ECT2: variants seen among roughly 807,000 people sequenced by gnomAD.
ECT2 encodes the protein protein ECT2.
A neutral mutation model predicts 116.9 loss-of-function variants in ECT2; 61 were observed. The ratio of observed to expected loss-of-function variants is 0.52; its 90% CI spans 0.42 to 0.65. ECT2 has a LOEUF of 0.65. Ranked by LOEUF, ECT2 falls within the 30% of genes least tolerant of loss-of-function variation. ECT2 has a pLI of 0.00. For missense variants in ECT2, 937 were observed against 1,078.7 expected (o/e 0.87, Z 1.84); for synonymous variants, 358 against 346.4 (o/e 1.03, Z -0.37).
chr3:172,782,913 A>G (rs996460196), intron 15 of ECT2, among the ~76,000 whole-genome samples: 1 of 151,830 alleles, frequency 6.6e-6, no homozygotes, highest in Non-Finnish European at 1.5e-5. Context: ...CATAGTGTAT[A>G]TGTACCACAT....
At chr3:172,775,638 CTTT>C (rs536857351) in intron 14 of ECT2, among the ~76,000 whole-genome samples, 1 of 142,806 alleles carries the variant, frequency 7.0e-6, no homozygotes, top group Non-Finnish European at 1.5e-5. Flanking sequence ...GGGTTTTTTT[CTTT>C]TTTTTTTTTT....
chr3:172,792,835 A>G (rs1004021533), intron 18 of ECT2, among the ~76,000 whole-genome samples: 11 of 151,934 alleles, frequency 7.2e-5, no homozygotes, highest in African/African-American at 2.7e-4. Context: ...ATCCCACCTT[A>G]GCCTTTTGAG....
chr3:172,780,786 T>C (rs1474044636), intron 14 of ECT2, among the ~76,000 whole-genome samples: 1 of 152,186 alleles, frequency 6.6e-6, no homozygotes, highest in East Asian at 1.9e-4. Context: ...GCTTTAATTG[T>C]ATTTCCCTGA....
At chr3:172,788,180 CT>C (rs1294011712) in intron 18 of ECT2, among the ~76,000 whole-genome samples, 2 of 152,042 alleles carry the variant, frequency 1.3e-5, no homozygotes, top group Non-Finnish European at 2.9e-5. Flanking sequence ...AGATTTAATG[CT>C]TATTATGGTT....
chr3:172,767,989 C>T (rs1415340935), intron 12 of ECT2, among the ~76,000 whole-genome samples: 1 of 152,170 alleles, frequency 6.6e-6, no homozygotes, highest in African/African-American at 2.4e-5. Context: ...GCCTTGGCCT[C>T]CCAAAGCGTT....
chr3:172,759,120 T>A, intron 6 of ECT2, 51 bp downstream of exon 6: 1 of 1,334,920 alleles, frequency 7.5e-7, no homozygotes, highest in Non-Finnish European at 1.0e-6. Context: ...CAAAATAAAT[T>A]AAAATTGGCT....
At chr3:172,764,029 A>G (rs1718846595) in intron 11 of ECT2, among the ~76,000 whole-genome samples, 2 of 152,220 alleles carry the variant, frequency 1.3e-5, no homozygotes, top group Non-Finnish European at 2.9e-5. Flanking sequence ...GTAGTAAACA[A>G]GTTTACAGAT....
intron 22 of ECT2, among the ~76,000 whole-genome samples, chr3:172,808,714 CT>C: frequency 6.6e-6 from 1 of 152,120 alleles, no homozygotes; most frequent in Non-Finnish European, 1.5e-5. Flanking sequence ...ATAGATGACC[CT>C]TTTCGGTACA....
chr3:172,760,922 T>A (rs1327364108), intron 7 of ECT2, among the ~76,000 whole-genome samples: 1 of 151,794 alleles, frequency 6.6e-6, no homozygotes, highest in Non-Finnish European at 1.5e-5. Flanking sequence ...GGTTTCACCA[T>A]ATTGGCCAGG....
intron 24 of ECT2, among the ~76,000 whole-genome samples, chr3:172,819,577 C>T (rs1730388619): frequency 6.6e-6 from 1 of 152,000 alleles, no homozygotes; most frequent in South Asian, 2.1e-4. Context: ...AACTCTTGGC[C>T]TTAAGCAATC....
intron 13 of ECT2, among the ~76,000 whole-genome samples, chr3:172,769,483 T>C (rs189068221): frequency 7.4e-4 from 112 of 152,132 alleles, no homozygotes; most frequent in African/African-American, 2.6e-3. Context: ...TTTCTGAAAG[T>C]ATGGGTTCTG....
chr3:172,818,967 TTTC>T (rs1730267597), intron 24 of ECT2, among the ~76,000 whole-genome samples: 1 of 152,046 alleles, frequency 6.6e-6, no homozygotes, highest in South Asian at 2.1e-4. Context: ...TTTAATAGAG[TTTC>T]TTAAGTCCAG....
chr3:172,796,823 C>T (rs1450299368), intron 18 of ECT2, among the ~76,000 whole-genome samples: 17 of 151,898 alleles, frequency 1.1e-4, no homozygotes, highest in East Asian at 1.9e-4. Flanking sequence ...CATGCCACCA[C>T]GCCCTGCTAA....
intron 18 of ECT2, among the ~76,000 whole-genome samples, chr3:172,793,860 C>G (rs771812438): frequency 2.6e-5 from 4 of 151,932 alleles, no homozygotes; most frequent in African/African-American, 4.8e-5. Context: ...TGTTAAATGT[C>G]TTTTCATGTG....
intron 5 of ECT2, among the ~76,000 whole-genome samples, chr3:172,758,228 T>C (rs1043052286): frequency 6.6e-6 from 1 of 152,208 alleles, no homozygotes; most frequent in African/African-American, 2.4e-5. Flanking sequence ...GTTTTGTTGC[T>C]GTCTTGGCAT....
At chr3:172,799,095 C>T (rs1292960286) in intron 18 of ECT2, among the ~76,000 whole-genome samples, 1 of 152,130 alleles carries the variant, frequency 6.6e-6, no homozygotes, top group East Asian at 1.9e-4. Flanking sequence ...AGCTGTAATA[C>T]ACCTGTTGTT....
rs182915001 is a variant in ECT2, at chr3:172,781,163, C to G, written c.1549-1000C>G. 2.0e-5 allele frequency among the ~76,000 whole-genome samples: 3 copies of G among 152,200 alleles called. No individual in the cohort carries two copies. The East Asian group carries it at 5.8e-4, about 29-fold the overall frequency. ...ATTCACTTAAAATAATAGCTCATTA[C>G]ATGGTAACACAAGTAACATTCTTTA... On this transcript the variant is annotated intron_variant, in intron 14 of 24. Transcript: ENST00000392692.
At chr3:172,816,129 T>C (rs4264754) in intron 23 of ECT2, among the ~76,000 whole-genome samples, 21,092 of 152,004 alleles carry the variant, frequency 0.14, 1,717 homozygotes, top group Non-Finnish European at 0.18. Context: ...CTTATCAGAG[T>C]TGTTGAGGAT....
At chr3:172,756,622 A>G (rs77442443) in intron 4 of ECT2, among the ~76,000 whole-genome samples, 1,566 of 152,258 alleles carry the variant, frequency 0.01, 34 homozygotes, top group African/African-American at 0.035. Flanking sequence ...TTTCTAATGC[A>G]TCTTGATATC....
Sources: gnomAD v4.1 joint callset for allele counts (sites outside exome capture counted in the v4.1 genomes callset) on GRCh38, gnomAD v4.1.1 for gene constraint, MANE v1.5 for transcripts, NCBI Gene and HGNC (gene_info 2026-07-23, HGNC 2026-07-21) for gene names.